The following LRP8 variants were observed in gnomAD, a reference collection of about 807,000 sequenced individuals.
LRP8 encodes LDL receptor related protein 8.
Under a neutral mutation model 111.6 loss-of-function variants are expected in LRP8, and 46 were observed. That is an observed-to-expected ratio of 0.41 (90% CI 0.33 to 0.53). The LOEUF is 0.53. LRP8 is among the 20% of genes least tolerant of loss of function. LRP8 has a pLI of 0.20. For synonymous variants in LRP8, 464 were observed against 511.2 expected (o/e 0.91, Z 1.24); for missense variants, 959 against 1,297.4 (o/e 0.74, Z 4.01).
Position 53,249,651 on chromosome 1 carries a change from G to T in LRP8, c.2677-95C>A, listed in dbSNP as rs180790346. 1.0e-3 allele frequency: 1,510 copies of T among 1,443,416 alleles called. 10 individuals carry two copies. The highest frequency in any genetic ancestry group is 9.0e-3 in the Admixed American group (330 of 36,676). 89.4% of individuals were successfully genotyped at this position (1,443,416 alleles called of 1,614,324 possible). A position where few individuals can be genotyped will look rare whatever the true frequency, so the allele number is the denominator to read the frequency against. On this transcript the variant is annotated intron_variant, in intron 17 of 18. Transcript: ENST00000306052. This position sits in a 1 kb window ranked among gnomAD's most constrained non-coding sequence, Gnocchi z 4.1. Reference sequence around the variant, plus strand: ...GTGACACCTGCTGTGCCACTTTGTGGTCCTCATTCCCCCAAAAAGCCATGC... The same window carrying T: ...GTGACACCTGCTGTGCCACTTTGTGTTCCTCATTCCCCCAAAAAGCCATGC...
intron 2 of LRP8, among the ~76,000 whole-genome samples, chr1:53,299,242 G>A (rs1026613759): frequency 1.3e-5 from 2 of 152,188 alleles, no homozygotes; most frequent in Non-Finnish European, 2.9e-5. Context: ...GCTACCCACA[G>A]GCAGGCAGGG....
intron 3 of LRP8, among the ~76,000 whole-genome samples, chr1:53,287,405 A>G (rs1232907615): frequency 1.3e-5 from 2 of 152,226 alleles, no homozygotes; most frequent in African/African-American, 4.8e-5. Context: ...AGGGGGTCTC[A>G]GAATACTAAG....
intron 3 of LRP8, among the ~76,000 whole-genome samples, chr1:53,282,817 C>G (rs751410076): frequency 1.4e-4 from 22 of 152,154 alleles, no homozygotes; most frequent in Non-Finnish European, 3.1e-4. Flanking sequence ...TGTTTCATCT[C>G]TTTTCAATTC....
chr1:53,274,388 AG>A (rs1646851688), intron 6 of LRP8, among the ~76,000 whole-genome samples: 1 of 152,238 alleles, frequency 6.6e-6, no homozygotes, highest in Non-Finnish European at 1.5e-5. Context: ...AGGAACACCG[AG>A]GAAGAGAGAA....
intron 2 of LRP8, among the ~76,000 whole-genome samples, chr1:53,299,494 TGCTCCTCTGTGCTGGGCTCTGG>T (rs1650397021): frequency 3.3e-5 from 5 of 152,068 alleles, no homozygotes; most frequent in Admixed American, 2.6e-4. Flanking sequence ...CTCTCTGGAG[TGCTCCTCTGTGCTGGGCTCTGG>T]GCTCCTCACC....
rs1176652710 is a variant in LRP8, at chr1:53,245,489, C to T, written c.*1529G>A. On this transcript the variant is annotated 3_prime_UTR_variant, in exon 19 of 19. Transcript: ENST00000306052. ...TAGAAAAGAGCACTTCTCCCTTCCT[C>T]CCCCAAGGCCAAGAAAAGCAAAGAA... 1 of 152,188 alleles carries T rather than the reference C, an allele frequency of 6.6e-6. No homozygotes were observed. The highest frequency in any genetic ancestry group is 1.5e-5 in the Non-Finnish European group (1 of 68,034). The allele number at this position is 152,188 out of a possible 1,614,324, so 9.4% of individuals were successfully genotyped here.
At chr1:53,288,350 C>A (rs1043653937) in intron 3 of LRP8, 11 of 152,234 alleles carry the variant, frequency 7.2e-5, no homozygotes, top group African/African-American at 2.7e-4. Context: ...GGGCTTTGTT[C>A]CTTCTGAAGC....
Position 53,275,491 on chromosome 1 carries a change from A to C in LRP8, c.1006+140T>G. ...GACCCCATGGAAAGGGAGCCAGGTG[A>C]TTTAGGGGCAAGTGATGCTCTGGGG... is the stretch of plus-strand genomic sequence containing the variant. On this transcript the variant is annotated intron_variant, in intron 6 of 18. Coordinates refer to ENST00000306052, the MANE Select transcript of LRP8 (RefSeq NM_004631.5). The surrounding 1 kb of genome is among the most constrained non-coding windows in gnomAD (Gnocchi z 4.4). 1 of 1,147,258 alleles carries C rather than the reference A, an allele frequency of 8.7e-7. No homozygotes were observed. The highest frequency in any genetic ancestry group is 1.2e-6 in the Non-Finnish European group (1 of 812,184). 71.1% of individuals were successfully genotyped at this position (1,147,258 alleles called of 1,614,324 possible).
chr1:53,311,155 C>T (rs11802359), intron 2 of LRP8, among the ~76,000 whole-genome samples: 23,036 of 152,126 alleles, frequency 0.15, 2,361 homozygotes, highest in African/African-American at 0.29. Flanking sequence ...CTGGTCCACC[C>T]CCATCACAGC....
intron 2 of LRP8, among the ~76,000 whole-genome samples, chr1:53,298,573 T>G (rs180957306): frequency 1.5e-3 from 232 of 152,284 alleles, no homozygotes; most frequent in African/African-American, 5.2e-3. Context: ...AGAAGAAAAC[T>G]CATGACATTC....
At chr1:53,319,499 T>C (rs1654218276) in intron 2 of LRP8, among the ~76,000 whole-genome samples, 1 of 152,182 alleles carries the variant, frequency 6.6e-6, no homozygotes, top group African/African-American at 2.4e-5. Context: ...GGACACTCCA[T>C]GGCGCCTGAG....
intron 6 of LRP8, chr1:53,274,841 G>A (rs1345080316): frequency 2.2e-6 from 1 of 456,344 alleles, no homozygotes; most frequent in South Asian, 1.5e-5. Context: ...GGACAAGAGA[G>A]TGGACAGTGC....
chr1:53,275,806 A>G lies in LRP8; in HGVS notation c.884-53T>C, dbSNP rs1646899861. 2.5e-6 allele frequency: 4 copies of G among 1,590,562 alleles called. No homozygotes were observed. In the Admixed American group the frequency reaches 5.2e-5, roughly 21 times the overall value. Reference sequence around the variant, plus strand: ...TCAGAGTCAGTGTGGTGCTAGGACAATTTCCCCACCACCCCAATCCCCATG... The same window carrying G: ...TCAGAGTCAGTGTGGTGCTAGGACAGTTTCCCCACCACCCCAATCCCCATG... On this transcript the variant is annotated intron_variant, in intron 5 of 18. Transcript: ENST00000306052. This position sits in a 1 kb window ranked among gnomAD's most constrained non-coding sequence, Gnocchi z 4.4.
chr1:53,289,744 G>C (rs1016496078), intron 2 of LRP8, 55 bp from the exon 3 acceptor site: 9 of 1,602,588 alleles, frequency 5.6e-6, no homozygotes, highest in Admixed American at 1.7e-5. Flanking sequence ...GAGGGTGGTG[G>C]GCCGACCAGG....
At chr1:53,273,787 G>A (rs1206406665) in intron 6 of LRP8, among the ~76,000 whole-genome samples, 1 of 152,124 alleles carries the variant, frequency 6.6e-6, no homozygotes, top group East Asian at 1.9e-4. Context: ...ATCTTCAAAA[G>A]GGGAAGGAAA....
intron 2 of LRP8, among the ~76,000 whole-genome samples, chr1:53,290,594 A>C (rs1648543246): frequency 6.6e-6 from 1 of 152,172 alleles, no homozygotes; most frequent in Non-Finnish European, 1.5e-5. Context: ...CGGAGCTGAG[A>C]TAAGAATGCA....
In LRP8 at chr1:53,303,693, C is replaced by T. The variant is rs1462101950; in HGVS notation, c.245-14004G>A. ...TCTTAGACTCACAAACAGAACAAAA[C>T]CCTAGAAGCTTCTAATCTAATCCAG... On this transcript the variant is annotated intron_variant, in intron 2 of 18. Transcript: ENST00000306052. This position sits in a 1 kb window ranked among gnomAD's most constrained non-coding sequence, Gnocchi z 4.3. Among the ~76,000 whole-genome samples, 3 of 152,200 alleles carry T rather than the reference C, an allele frequency of 2.0e-5. No homozygotes were observed. The highest frequency in any genetic ancestry group is 7.2e-5 in the African/African-American group (3 of 41,440).
Position 53,327,904 on chromosome 1 carries a change from G to A in LRP8, c.9C>T (p.Leu3=), listed in dbSNP as rs746898488. 1.9e-5 allele frequency: 27 copies of A among 1,417,150 alleles called. No individual in the cohort carries two copies. In the South Asian group the frequency reaches 3.6e-4, roughly 19 times the overall value. 87.8% of individuals were successfully genotyped at this position (1,417,150 alleles called of 1,614,324 possible). A position where few individuals can be genotyped will look rare whatever the true frequency, so the allele number is the denominator to read the frequency against. ...GAAGCCGGAGAGGGCCCGGCTCGGG[G>A]AGGCCCATGGCGGGCCCGGGGCTCC... is the stretch of plus-strand genomic sequence containing the variant. MG[L]PEPGPLRLLA... The change falls in exon 1 of 19, where the codon CTC becomes CTT. Residue 3 remains leucine, a synonymous_variant. Transcript: ENST00000306052.
At chr1:53,280,164 C>T (rs1297712094) in intron 4 of LRP8, among the ~76,000 whole-genome samples, 1 of 152,118 alleles carries the variant, frequency 6.6e-6, no homozygotes, top group African/African-American at 2.4e-5. Context: ...GCTCAGACCA[C>T]CGCCATTTCT....
Sources: allele counts gnomAD v4.1 joint callset (sites outside exome capture counted in the v4.1 genomes callset), GRCh38; gene constraint gnomAD v4.1.1; non-coding constraint Gnocchi (gnomAD v3.1); transcripts MANE v1.5; gene names NCBI Gene and HGNC (gene_info 2026-07-23, HGNC 2026-07-21).